ASB3: variants seen among roughly 807,000 people sequenced by gnomAD.
ASB3 encodes ankyrin repeat and SOCS box protein 3.
In ASB3, 41 loss-of-function variants were observed where a neutral mutation model predicts 54.5. The ratio of observed to expected loss-of-function variants is 0.75; its 90% CI spans 0.59 to 0.98. ASB3 has a LOEUF of 0.98. Among genes scored for constraint, ASB3 ranks in the 50% least tolerant of loss-of-function variants. The probability of loss-of-function intolerance (pLI) is 0.00; values close to 1 mark genes in which losing one functional copy is unlikely to be tolerated. For missense variants in ASB3, 733 were observed against 620.0 expected (o/e 1.18, Z -1.94); for synonymous variants, 266 against 221.2 (o/e 1.20, Z -1.80).
In ASB3 at chr2:53,785,464, T is replaced by C. The variant is rs1412275738; in HGVS notation, c.-14+1357A>G. On this transcript the variant is annotated intron_variant, in intron 1 of 9. Transcript: ENST00000263634. ...AAAAAAAAATTGACTATTACTACTATAATAGTTTGCAATTATTTGTTTGTA... is the reference window on the plus strand; with the variant it reads ...AAAAAAAAATTGACTATTACTACTACAATAGTTTGCAATTATTTGTTTGTA... 3.3e-5 allele frequency among the ~76,000 whole-genome samples: 5 copies of C among 152,052 alleles called. No homozygotes were observed. The East Asian group carries it at 9.6e-4, about 29-fold the overall frequency.
chr2:53,700,479 T>C lies in ASB3; in HGVS notation c.1030A>G (p.Ile344Val), dbSNP rs990157730. The change falls in exon 8 of 10, where the codon ATA becomes GTA. Residue 344 changes from isoleucine (I) to valine (V), a missense_variant. By Grantham distance (29) the Ile-to-Val change is conservative. Coordinates refer to ENST00000263634, the MANE Select transcript of ASB3 (RefSeq NM_016115.5). ...CAGTATGCCAAATGAAGTTCATTTA[T>C]CTGGGCTCCATATTTCAAAAGAATG... is the stretch of plus-strand genomic sequence containing the variant. ...VNILLKYGAQ[I>V]NELHLAYCLK... is the part of the protein sequence containing the mutation. 2 of 1,613,922 alleles carry C rather than the reference T, an allele frequency of 1.2e-6. No homozygotes were observed. The highest frequency in any genetic ancestry group is 1.3e-5 in the African/African-American group (1 of 74,932).
At chr2:53,711,068 C>A (rs1670068588) in intron 7 of ASB3, among the ~76,000 whole-genome samples, 1 of 152,122 alleles carries the variant, frequency 6.6e-6, no homozygotes, top group Admixed American at 6.6e-5. Flanking sequence ...GAAGTCGAGG[C>A]TGCAGTGAGT....
Position 53,728,821 on chromosome 2 carries a change from A to C in ASB3, c.495T>G (p.Leu165=). 2 of 1,611,012 alleles carry C rather than the reference A, an allele frequency of 1.2e-6. No homozygotes were observed. Among genetic ancestry groups the C allele is most frequent in the Non-Finnish European group, 1.7e-6 (2 of 1,178,434 alleles). ...FQENAEIIKL[L]LRKGANKECQ... Reference sequence around the variant, plus strand: ...ATTCCTTGTTTGCTCCTTTTCTAAGAAGCAATTTTATGATCTCAGCATTTT... The same window carrying C: ...ATTCCTTGTTTGCTCCTTTTCTAAGCAGCAATTTTATGATCTCAGCATTTT... Residue 165 remains leucine, a synonymous_variant, in exon 5 of 10, where the codon CTT becomes CTG. Coordinates refer to ENST00000263634, the MANE Select transcript of ASB3 (RefSeq NM_016115.5).
intron 2 of ASB3, among the ~76,000 whole-genome samples, chr2:53,758,675 G>A (rs113799072): frequency 6.6e-6 from 1 of 152,206 alleles, no homozygotes; most frequent in African/African-American, 2.4e-5. Flanking sequence ...CTACATTGGT[G>A]AGTGTAACTA....
At chr2:53,741,396 G>A (rs1671927631) in intron 3 of ASB3, among the ~76,000 whole-genome samples, 1 of 152,194 alleles carries the variant, frequency 6.6e-6, no homozygotes, top group South Asian at 2.1e-4. Flanking sequence ...CCTCAACAAG[G>A]TAAGAAGTTT....
At chr2:53,689,917 C>T (rs1394917913) in intron 9 of ASB3, among the ~76,000 whole-genome samples, 5 of 152,100 alleles carry the variant, frequency 3.3e-5, no homozygotes, top group Non-Finnish European at 7.4e-5. Context: ...ACTTTGAACT[C>T]ATTGCTATGT....
chr2:53,774,386 G>A (rs767990230), intron 1 of ASB3: 2 of 1,613,380 alleles, frequency 1.2e-6, no homozygotes, highest in Admixed American at 1.7e-5. Context: ...GGTCCAAGTG[G>A]AAGAAATACA....
intron 8 of ASB3, among the ~76,000 whole-genome samples, chr2:53,695,157 A>G (rs1383358584): frequency 2.6e-5 from 4 of 152,164 alleles, no homozygotes; most frequent in Non-Finnish European, 5.9e-5. Flanking sequence ...AAATACAAGG[A>G]AAGAAGATAA....
At position 53,714,490 on chromosome 2, in the gene ASB3, G is replaced by A. The variant is rs140542236; in HGVS notation, c.874C>T (p.His292Tyr). 151 of 1,614,092 alleles carry A rather than the reference G, an allele frequency of 9.4e-5. No individual in the cohort carries two copies. Among genetic ancestry groups the A allele is most frequent in the Non-Finnish European group, 1.2e-4 (138 of 1,180,040 alleles). ...SPVYSAVFGG[H>Y]EDCLEILLRN... ...AGTAATATTTCTAGGCAATCTTCAT[G>A]TCCCCCAAACACTGCTGAGTAAACA... The change falls in exon 7 of 10, where the codon CAT becomes TAT. Residue 292 changes from histidine (H) to tyrosine (Y), a missense_variant. Physicochemically the swap from His to Tyr is moderately conservative, Grantham distance 83 (BLOSUM62 2). Transcript: ENST00000263634.
intron 5 of ASB3, among the ~76,000 whole-genome samples, chr2:53,726,050 A>C (rs1211838918): frequency 1.3e-5 from 2 of 152,180 alleles, no homozygotes; most frequent in African/African-American, 2.4e-5. Flanking sequence ...CAACTCACTG[A>C]AACGAAAGTA....
At chr2:53,719,623 A>C (rs1670589883) in intron 5 of ASB3, among the ~76,000 whole-genome samples, 1 of 151,344 alleles carries the variant, frequency 6.6e-6, no homozygotes, top group African/African-American at 2.4e-5. Flanking sequence ...CCTCACCATA[A>C]ACTTCTCCCC....
At position 53,693,998 on chromosome 2, in the gene ASB3, T is replaced by C. The variant is rs748592388; in HGVS notation, c.1255A>G (p.Ile419Val). ...TCCAAAGTGAAGATAAGGGTGTCAA[T>C]GCTGACTGAGTCAATCCTATGTTAG... ...LCNSWIDSVS[I>V]DTLIFTLEFT... Residue 419 changes from isoleucine (I) to valine (V), a missense_variant, in exon 9 of 10, where the codon ATT (isoleucine) becomes GTT (valine). By Grantham distance (29) the Ile-to-Val change is conservative. Transcript: ENST00000263634. The C allele has an allele frequency of 1.2e-6, 2 of 1,613,384 alleles. No homozygotes were observed. The highest frequency in any genetic ancestry group is 2.2e-5 in the South Asian group (2 of 91,028).
intron 9 of ASB3, among the ~76,000 whole-genome samples, chr2:53,671,301 G>C (rs948064461): frequency 2.0e-5 from 3 of 151,912 alleles, no homozygotes; most frequent in African/African-American, 7.3e-5. Context: ...AAGTCACAGA[G>C]CTAGTAAGCA....
chr2:53,689,339 T>G (rs1668792127), intron 9 of ASB3, among the ~76,000 whole-genome samples: 1 of 152,240 alleles, frequency 6.6e-6, no homozygotes, highest in Non-Finnish European at 1.5e-5. Context: ...AATAAGGTTG[T>G]GTTCCAACTC....
At chr2:53,703,006 G>A (rs1669574310) in intron 7 of ASB3, among the ~76,000 whole-genome samples, 1 of 152,120 alleles carries the variant, frequency 6.6e-6, no homozygotes, top group South Asian at 2.1e-4. Context: ...TGGCTAGAAT[G>A]GACACAATTA....
intron 5 of ASB3, among the ~76,000 whole-genome samples, chr2:53,724,381 G>A (rs546100582): frequency 4.6e-5 from 7 of 152,206 alleles, no homozygotes; most frequent in South Asian, 2.1e-4. Flanking sequence ...GGTGGATCAC[G>A]AGGTGAGGAG....
Position 53,770,328 on chromosome 2 carries a change from G to C in ASB3, c.-13-4743C>G, listed in dbSNP as rs192227025. ...CTATACGAACAGATGAAGACTAAAAGGAAATAGCAACAAAGATGACACAAA... is the reference window on the plus strand; with the variant it reads ...CTATACGAACAGATGAAGACTAAAACGAAATAGCAACAAAGATGACACAAA... On this transcript the variant is annotated intron_variant, in intron 1 of 9. Coordinates refer to ENST00000263634, the MANE Select transcript of ASB3 (RefSeq NM_016115.5). Among the ~76,000 whole-genome samples the C allele has an allele frequency of 3.3e-5, 5 of 152,116 alleles. No individual in the cohort carries two copies. In the East Asian group the frequency reaches 9.7e-4, roughly 29 times the overall value.
At chr2:53,779,146 C>T (rs759251240) in intron 1 of ASB3, among the ~76,000 whole-genome samples, 7 of 152,168 alleles carry the variant, frequency 4.6e-5, no homozygotes, top group Non-Finnish European at 1.0e-4. Flanking sequence ...TAATGTTGAA[C>T]ATTTTTTCAT....
chr2:53,739,931 C>T (rs1399622988), intron 3 of ASB3, among the ~76,000 whole-genome samples: 1 of 152,148 alleles, frequency 6.6e-6, no homozygotes, highest in Non-Finnish European at 1.5e-5. Context: ...ACTTCAGCCT[C>T]CCAAAATGTT....
Sources: allele counts gnomAD v4.1 joint callset (sites outside exome capture counted in the v4.1 genomes callset), GRCh38; gene constraint gnomAD v4.1.1; transcripts MANE v1.5; gene names NCBI Gene and HGNC (gene_info 2026-07-23, HGNC 2026-07-21).